TP53BP1: variants seen among roughly 807,000 people sequenced by gnomAD.
TP53BP1 encodes TP53-binding protein 1.
Under a neutral mutation model 200.8 loss-of-function variants are expected in TP53BP1, and 61 were observed. The observed-to-expected ratio is 0.30, with a 90% CI of 0.25 to 0.38. The LOEUF is 0.38. Ranked by LOEUF, TP53BP1 falls within the 10% of genes least tolerant of loss-of-function variation. The pLI is 1.00. For missense variants in TP53BP1, 2,144 were observed against 2,371.9 expected (o/e 0.90, Z 2.00); for synonymous variants, 822 against 844.3 (o/e 0.97, Z 0.46).
In TP53BP1 at chr15:43,409,674, A is replaced by G. The variant is rs775344886; in HGVS notation, c.5373T>C (p.Tyr1791=). 3 of 1,572,440 alleles carry G rather than the reference A, an allele frequency of 1.9e-6. No individual in the cohort carries two copies. The highest frequency in any genetic ancestry group is 1.2e-5 in the South Asian group (1 of 83,078). The change falls in exon 25 of 28, where the codon TAT becomes TAC. Residue 1791 remains tyrosine (Y), a synonymous_variant. Transcript: ENST00000382044. The part of the protein sequence containing the change: ...TESQLRAGAG[Y]ILEDFNEAQC... The stretch of plus-strand genomic sequence containing the variant: ...GGGCTTCATTGAAATCTTCAAGGAT[A>G]TAGCCAGCTCCTGCTCGAAGCTGGG...
intron 18 of TP53BP1, among the ~76,000 whole-genome samples, chr15:43,423,328 T>C (rs1034950109): frequency 6.6e-6 from 1 of 151,678 alleles, no homozygotes; most frequent in Middle Eastern, 3.4e-3. Flanking sequence ...GATATGGAGA[T>C]GTATAAGATA....
At position 43,404,369 on chromosome 15, in the gene TP53BP1, T is replaced by C. The variant is rs554963800; in HGVS notation, c.*3014A>G. 246 of 1,611,410 alleles carry C rather than the reference T, an allele frequency of 1.5e-4. 3 individuals carry two copies. In the South Asian group the frequency reaches 2.6e-3, roughly 17 times the overall value. On this transcript the variant is annotated 3_prime_UTR_variant, in exon 28 of 28. Transcript: ENST00000382044. ...CGCCCCCATCCTCCATATGGAGAGT[T>C]GGTGAGCTGAAGTGGAATGACAGCT...
chr15:43,466,789 C>T (rs1367187651), intron 11 of TP53BP1, among the ~76,000 whole-genome samples: 3 of 152,014 alleles, frequency 2.0e-5, no homozygotes, highest in East Asian at 1.9e-4. Flanking sequence ...TACAGAAGTT[C>T]GAGGTTACAG....
Position 43,404,335 on chromosome 15 carries a change from T to A in TP53BP1, c.*3048A>T. The A allele has an allele frequency of 6.4e-7, 1 of 1,554,812 alleles. No individual in the cohort carries two copies. Among genetic ancestry groups the A allele is most frequent in the African/African-American group, 1.4e-5 (1 of 73,136 alleles). On this transcript the variant is annotated 3_prime_UTR_variant, in exon 28 of 28. Transcript: ENST00000382044. ...TTTGAACAAGGCTTTTCCAAGAAAC[T>A]CCTCCCTCCGCCCCCATCCTCCATA...
rs766450587 is a variant in TP53BP1, at chr15:43,446,561, C to T, written c.2866G>A (p.Ala956Thr). 6.2e-7 allele frequency: 1 copy of T among 1,614,076 alleles called. No individual in the cohort carries two copies. Among genetic ancestry groups the T allele is most frequent in the African/African-American group, 1.3e-5 (1 of 75,036 alleles). The stretch of plus-strand genomic sequence containing the variant: ...CTTTCAGACATGACATCACTGGTTG[C>T]TATGGTGCTTTCTGGATAGTTGCTA... ...GISNYPESTIATSDVMSESMV... is the reference protein window; with the variant it reads ...GISNYPESTITTSDVMSESMV... Residue 956 changes from alanine (A) to threonine (T), a missense_variant, in exon 14 of 28, where the codon GCA becomes ACA. Ala to Thr is a moderately conservative substitution (Grantham distance 58). Coordinates refer to ENST00000382044, the MANE Select transcript of TP53BP1 (RefSeq NM_001141980.3).
intron 1 of TP53BP1, among the ~76,000 whole-genome samples, chr15:43,508,994 TG>T (rs1393175138): frequency 6.6e-6 from 1 of 152,158 alleles, no homozygotes; most frequent in East Asian, 1.9e-4. Flanking sequence ...GCAGAATCTT[TG>T]GTTAACTACT....
At chr15:43,436,638 CTT>C (rs757274443) in intron 16 of TP53BP1, among the ~76,000 whole-genome samples, 2 of 144,148 alleles carry the variant, frequency 1.4e-5, no homozygotes, top group African/African-American at 2.5e-5. Flanking sequence ...CCACATCCGG[CTT>C]TTTTTTTTTT....
intron 21 of TP53BP1, among the ~76,000 whole-genome samples, 196 bp downstream of exon 21, chr15:43,420,109 C>T (rs753081438): frequency 1.1e-4 from 17 of 152,062 alleles, no homozygotes; most frequent in Admixed American, 3.9e-4. Flanking sequence ...TAAAATATTC[C>T]AAAATAAGTT....
intron 24 of TP53BP1, chr15:43,412,605 T>C (rs2045148783): frequency 4.4e-6 from 2 of 458,106 alleles, no homozygotes; most frequent in East Asian, 7.0e-5. Context: ...GCTGTTTCTT[T>C]GCAATCACCC....
intron 11 of TP53BP1, among the ~76,000 whole-genome samples, chr15:43,468,766 T>C (rs1313280533): frequency 6.6e-6 from 1 of 152,190 alleles, no homozygotes; most frequent in Non-Finnish European, 1.5e-5. Flanking sequence ...ATTTGACTGA[T>C]GAGCAAACTA....
At chr15:43,490,636 A>T (rs994634746) in intron 4 of TP53BP1, among the ~76,000 whole-genome samples, 19 of 152,292 alleles carry the variant, frequency 1.2e-4, no homozygotes, top group Middle Eastern at 3.4e-3. Flanking sequence ...AGTTCTCTAC[A>T]TTCTCCTTGG....
intron 21 of TP53BP1, among the ~76,000 whole-genome samples, chr15:43,419,083 G>A (rs2045332108): frequency 6.6e-6 from 1 of 152,136 alleles, no homozygotes; most frequent in Admixed American, 6.6e-5. Flanking sequence ...AGCCGGGTCT[G>A]GTGGGGCACA....
chr15:43,442,234 C>T (rs547316132), intron 14 of TP53BP1, among the ~76,000 whole-genome samples: 3 of 151,818 alleles, frequency 2.0e-5, no homozygotes, highest in East Asian at 3.9e-4. Context: ...TACAGGTGCC[C>T]GCCACCACGC....
intron 11 of TP53BP1, among the ~76,000 whole-genome samples, chr15:43,462,263 T>C (rs192299903): frequency 1.9e-3 from 270 of 140,664 alleles, no homozygotes; most frequent in Admixed American, 3.0e-3. Flanking sequence ...AGCTAAGAGT[T>C]GTTATTTCTG....
intron 4 of TP53BP1, among the ~76,000 whole-genome samples, chr15:43,481,297 C>G (rs2078961140): frequency 6.6e-6 from 1 of 151,948 alleles, no homozygotes; most frequent in Non-Finnish European, 1.5e-5. Flanking sequence ...AGGAGAATTA[C>G]TGACAAGTGA....
intron 8 of TP53BP1, among the ~76,000 whole-genome samples, chr15:43,476,435 A>C (rs1285081344): frequency 1.3e-5 from 2 of 152,238 alleles, no homozygotes; most frequent in South Asian, 2.1e-4. Context: ...GAAGTCAAAA[A>C]AATGCACATG....
intron 15 of TP53BP1, 95 bp downstream of exon 15, chr15:43,441,431 T>G: frequency 1.2e-6 from 1 of 831,316 alleles, no homozygotes; most frequent in Non-Finnish European, 2.1e-6. Flanking sequence ...CATTTTAACT[T>G]TCTCATTTTA....
chr15:43,470,052 T>C lies in TP53BP1; in HGVS notation c.1195A>G (p.Thr399Ala), dbSNP rs2046688261. The C allele has an allele frequency of 1.2e-6, 2 of 1,612,702 alleles. No individual in the cohort carries two copies. Among genetic ancestry groups the C allele is most frequent in the Non-Finnish European group, 8.5e-7 (1 of 1,179,926 alleles). The change falls in exon 11 of 28, where the codon ACG becomes GCG. Residue 399 changes from threonine to alanine, a missense_variant. By Grantham distance (58) the Thr-to-Ala change is moderately conservative. Transcript: ENST00000382044. ...CCTCCTTCTTCAGATAACACTGACG[T>C]GTCCATTGGCTTATCTGGTTTAAAA... The part of the protein sequence containing the change: ...QEGRQDKPMD[T>A]SVLSEEGGEP...
chr15:43,502,024 T>G (rs1045607732), intron 1 of TP53BP1, among the ~76,000 whole-genome samples: 1 of 152,220 alleles, frequency 6.6e-6, no homozygotes, highest in Non-Finnish European at 1.5e-5. Context: ...AAACAGTTTT[T>G]GAAAATGACT....
Sources: gnomAD v4.1 joint callset for allele counts (sites outside exome capture counted in the v4.1 genomes callset) on GRCh38, gnomAD v4.1.1 for gene constraint, MANE v1.5 for transcripts, NCBI Gene and HGNC (gene_info 2026-07-23, HGNC 2026-07-21) for gene names.